Variants in XIRP2 observed in about 807,000 individuals in gnomAD.
The protein encoded by XIRP2 is xin actin-binding repeat-containing protein 2.
A neutral mutation model predicts 277.0 loss-of-function variants in XIRP2; 236 were observed. The observed-to-expected ratio is 0.85, with a 90% confidence interval of 0.77 to 0.95. XIRP2 has a LOEUF of 0.95. Among genes scored for constraint, XIRP2 ranks in the 40% least tolerant of loss-of-function variants. The pLI is 0.00. For missense variants in XIRP2, 4,640 were observed against 4,157.5 expected (o/e 1.12, Z -3.19); for synonymous variants, 1,490 against 1,416.5 (o/e 1.05, Z -1.17).
rs1384702112 is a variant in XIRP2, at chr2:167,247,411, G to A, written c.6019G>A (p.Gly2007Ser). The change falls in exon 9 of 11, where the codon GGC becomes AGC. Residue 2007 changes from glycine (G) to serine (S), a missense_variant. By Grantham distance (56) the Gly-to-Ser change is moderately conservative. Transcript: ENST00000409195. ...TCAAACTATGGGGAAATCTTGCCAT[G>A]GCAATTTAGTAGAAGAAAGAACTGA... ...LSQTMGKSCH[G>S]NLVEERTEVN... The A allele has an allele frequency of 1.2e-6, 2 of 1,613,708 alleles. No homozygotes were observed. Among genetic ancestry groups the A allele is most frequent in the South Asian group, 2.2e-5 (2 of 91,080 alleles).
chr2:166,944,333 G>T (rs1404239461), intron 2 of XIRP2, among the ~76,000 whole-genome samples: 1 of 152,144 alleles, frequency 6.6e-6, no homozygotes, highest in Non-Finnish European at 1.5e-5. Context: ...AAATAATTCT[G>T]CCTCCTGTTC....
chr2:166,905,270 C>G (rs1458387584), intron 2 of XIRP2, among the ~76,000 whole-genome samples: 2 of 151,958 alleles, frequency 1.3e-5, no homozygotes, highest in Non-Finnish European at 2.9e-5. Flanking sequence ...TTCAATCCCT[C>G]TTGACTTTAC....
intron 5 of XIRP2, among the ~76,000 whole-genome samples, chr2:167,231,878 T>C (rs1304419543): frequency 6.6e-6 from 1 of 152,012 alleles, no homozygotes; most frequent in Non-Finnish European, 1.5e-5. Context: ...TTGATAGCAT[T>C]GTCAGTGAAT....
At chr2:167,167,700 A>G (rs1692564096) in intron 3 of XIRP2, among the ~76,000 whole-genome samples, 1 of 152,134 alleles carries the variant, frequency 6.6e-6, no homozygotes, top group Admixed American at 6.5e-5. Flanking sequence ...ACATACATAA[A>G]CATATAGCAC....
chr2:167,115,308 T>A (rs186744712), intron 2 of XIRP2, among the ~76,000 whole-genome samples: 57 of 152,356 alleles, frequency 3.7e-4, no homozygotes, highest in African/African-American at 1.3e-3. Context: ...TGAATGTCCT[T>A]CTGAATCTCA....
intron 2 of XIRP2, among the ~76,000 whole-genome samples, chr2:167,109,688 T>C (rs1690701587): frequency 6.6e-6 from 1 of 152,322 alleles, no homozygotes; most frequent in Non-Finnish European, 1.5e-5. Context: ...CATGTGTCTT[T>C]GTGGTAGAAC....
At chr2:166,918,443 A>T (rs1039963400) in intron 2 of XIRP2, among the ~76,000 whole-genome samples, 1 of 152,104 alleles carries the variant, frequency 6.6e-6, no homozygotes, top group Non-Finnish European at 1.5e-5. Flanking sequence ...CGAAAAGAAA[A>T]TGATAGAGTA....
chr2:166,957,646 G>C (rs1384023079), intron 2 of XIRP2, among the ~76,000 whole-genome samples: 1 of 151,774 alleles, frequency 6.6e-6, no homozygotes, highest in Non-Finnish European at 1.5e-5. Flanking sequence ...TGCAAGCAAA[G>C]TGTTGCATCC....
At chr2:166,926,710 T>G (rs1033908971) in intron 2 of XIRP2, among the ~76,000 whole-genome samples, 2 of 152,112 alleles carry the variant, frequency 1.3e-5, no homozygotes, top group African/African-American at 4.8e-5. Context: ...TCTTGAATGA[T>G]TACTTCCTAC....
intron 2 of XIRP2, among the ~76,000 whole-genome samples, chr2:166,972,091 C>T (rs914522784): frequency 2.0e-5 from 3 of 152,038 alleles, no homozygotes; most frequent in East Asian, 1.9e-4. Context: ...ACCTCCCGCC[C>T]CATAATGGGA....
rs1336973494 is a variant in XIRP2, at chr2:167,136,726, TG to T, written c.562+666del. On this transcript the variant is annotated intron_variant, in intron 3 of 10. Transcript: ENST00000409195. ...TTATCATTTCTGATTAGGCACATTC[TG>T]GATTTTTCCTCTTTAGCCAAATAAT... Among the ~76,000 whole-genome samples, 10 of 152,350 alleles carry T rather than the reference TG, an allele frequency of 6.6e-5. No individual in the cohort carries two copies. The East Asian group carries it at 1.7e-3, about 26-fold the overall frequency.
intron 5 of XIRP2, among the ~76,000 whole-genome samples, chr2:167,230,420 C>T (rs935451303): frequency 2.0e-5 from 3 of 151,928 alleles, no homozygotes; most frequent in Non-Finnish European, 4.4e-5. Context: ...TCCCTGAATT[C>T]CTTTTCCTTC....
In XIRP2 at chr2:167,249,761, A is replaced by C; in HGVS notation, c.8369A>C (p.Gln2790Pro). The C allele has an allele frequency of 6.2e-7, 1 of 1,613,416 alleles. No individual in the cohort carries two copies. The highest frequency in any genetic ancestry group is 8.5e-7 in the Non-Finnish European group (1 of 1,179,736). ...GTACAATTGCCTACAGAATCCATAC[A>C]GAAGAACCAGGAAGATAAGCTCAAG... ...VTVQLPTESI[Q>P]KNQEDKLKMV... Residue 2790 changes from glutamine (Q) to proline (P), a missense_variant, in exon 9 of 11, where the codon CAG becomes CCG. By Grantham distance (76) the Gln-to-Pro change is moderately conservative. Transcript: ENST00000409195.
intron 2 of XIRP2, among the ~76,000 whole-genome samples, chr2:166,912,100 C>T (rs1412454250): frequency 6.6e-6 from 1 of 152,146 alleles, no homozygotes; most frequent in Non-Finnish European, 1.5e-5. Flanking sequence ...AGTTGCTCTT[C>T]TCGAGGAGTA....
At position 167,064,513 on chromosome 2, in the gene XIRP2, T is replaced by C. The variant is rs541353222; in HGVS notation, c.409-71396T>C. ...AATTTTATTTTTAACTGTGGTAAAATACATATAACATAAAATGTGCCATCT... is the reference window on the plus strand; with the variant it reads ...AATTTTATTTTTAACTGTGGTAAAACACATATAACATAAAATGTGCCATCT... On this transcript the variant is annotated intron_variant, in intron 2 of 10. Transcript: ENST00000409195. 2.1e-3 allele frequency among the ~76,000 whole-genome samples: 320 copies of C among 152,076 alleles called. 3 individuals are homozygous for C. The highest frequency in any genetic ancestry group is 7.6e-3 in the African/African-American group (316 of 41,564).
intron 2 of XIRP2, among the ~76,000 whole-genome samples, chr2:167,121,570 A>G (rs546359154): frequency 6.6e-6 from 1 of 152,306 alleles, no homozygotes; most frequent in Non-Finnish European, 1.5e-5. Flanking sequence ...ACTAGTTAAA[A>G]TATTTTAATA....
intron 3 of XIRP2, among the ~76,000 whole-genome samples, chr2:167,182,305 T>C (rs1693038287): frequency 6.6e-6 from 1 of 152,202 alleles, no homozygotes; most frequent in African/African-American, 2.4e-5. Context: ...ATATGTTTGC[T>C]CTTTAATTCT....
rs762792708 is a variant in XIRP2, at chr2:167,247,299, C to A, written c.5907C>A (p.Val1969=). The part of the protein sequence containing the change: ...EQKTDIHQVA[V]QRNKNSLLQP... ...AAACAGATATTCATCAGGTTGCTGTCCAGAGGAACAAAAATAGTCTTCTTC... is the reference window on the plus strand; with the variant it reads ...AAACAGATATTCATCAGGTTGCTGTACAGAGGAACAAAAATAGTCTTCTTC... The change falls in exon 9 of 11, where the codon GTC becomes GTA. Residue 1969 remains valine, a synonymous_variant. Coordinates refer to ENST00000409195, the MANE Select transcript of XIRP2 (RefSeq NM_152381.6). The A allele has an allele frequency of 3.1e-6, 5 of 1,613,660 alleles. No homozygotes were observed. Among genetic ancestry groups the A allele is most frequent in the East Asian group, 4.5e-5 (2 of 44,816 alleles).
intron 1 of XIRP2, among the ~76,000 whole-genome samples, chr2:166,897,602 T>A (rs1283017549): frequency 6.6e-6 from 1 of 152,078 alleles, no homozygotes; most frequent in African/African-American, 2.4e-5. Flanking sequence ...AGGTATTAGC[T>A]ACAAAGAAAG....
Sources: gnomAD v4.1 joint callset for allele counts (sites outside exome capture counted in the v4.1 genomes callset) on GRCh38, gnomAD v4.1.1 for gene constraint, MANE v1.5 for transcripts, NCBI Gene and HGNC (gene_info 2026-07-23, HGNC 2026-07-21) for gene names.